The following PARD3 variants were observed in gnomAD, a reference collection of about 807,000 sequenced individuals.
The protein encoded by PARD3 is par-3 family cell polarity regulator.
PARD3 carries 75 observed loss-of-function variants against 155.4 expected under a neutral mutation model. The observed-to-expected ratio is 0.48, with a 90% CI of 0.40 to 0.58. The LOEUF is 0.58. Among genes scored for constraint, PARD3 ranks in the 20% least tolerant of loss-of-function variants. PARD3 has a pLI of 0.00. For synonymous variants in PARD3, 576 were observed against 610.5 expected (o/e 0.94, Z 0.83); for missense variants, 1,642 against 1,721.7 (o/e 0.95, Z 0.82).
chr10:34,665,167 A>G (rs1451639536), intron 2 of PARD3, among the ~76,000 whole-genome samples: 1 of 152,156 alleles, frequency 6.6e-6, no homozygotes, highest in Non-Finnish European at 1.5e-5. Context: ...AGATTTCCAG[A>G]ACGTGTTTAT....
intron 1 of PARD3, among the ~76,000 whole-genome samples, chr10:34,793,272 G>C (rs1355794746): frequency 6.6e-6 from 1 of 152,174 alleles, no homozygotes; most frequent in Non-Finnish European, 1.5e-5. Context: ...GACAACTCAC[G>C]AACACAAGGG....
intron 1 of PARD3, among the ~76,000 whole-genome samples, chr10:34,770,111 T>G (rs1838676254): frequency 6.6e-6 from 1 of 152,174 alleles, no homozygotes; most frequent in Admixed American, 6.5e-5. Context: ...TAGCCTTATC[T>G]TCTGCCTGCA....
At position 34,511,557 on chromosome 10, in the gene PARD3, C is replaced by A. The variant is rs558687313; in HGVS notation, c.403+5422G>T. Among the ~76,000 whole-genome samples, 13 of 152,168 alleles carry A rather than the reference C, an allele frequency of 8.5e-5. No individual in the cohort carries two copies. In the South Asian group the frequency reaches 2.3e-3, roughly 27 times the overall value. On this transcript the variant is annotated intron_variant, in intron 3 of 24. Coordinates refer to ENST00000374788, the MANE Select transcript of PARD3 (RefSeq NM_001184785.2). ...AATGCAGCATCCTCACATGACAAAG[C>A]GACAGAGTAACCCCAGTACTTCAAG...
chr10:34,408,762 T>A (rs1754984207), intron 5 of PARD3, among the ~76,000 whole-genome samples: 1 of 151,984 alleles, frequency 6.6e-6, no homozygotes, highest in Non-Finnish European at 1.5e-5. Context: ...TAATTCATGA[T>A]CATTATATTC....
intron 22 of PARD3, among the ~76,000 whole-genome samples, chr10:34,252,822 G>A (rs1309163453): frequency 6.6e-6 from 1 of 151,992 alleles, no homozygotes; most frequent in Non-Finnish European, 1.5e-5. Flanking sequence ...ATATAAAAGT[G>A]GGGAAATGGT....
intron 2 of PARD3, among the ~76,000 whole-genome samples, chr10:34,541,000 T>C (rs2083569919): frequency 6.6e-6 from 1 of 152,100 alleles, no homozygotes. Context: ...TCCAGCATCC[T>C]TAATTTAAGA....
At chr10:34,584,431 G>A (rs1206837009) in intron 2 of PARD3, among the ~76,000 whole-genome samples, 1 of 152,086 alleles carries the variant, frequency 6.6e-6, no homozygotes, top group East Asian at 1.9e-4. Context: ...ACATCTCTAA[G>A]GTTAAGCCAA....
chr10:34,665,373 A>T (rs12773194), intron 2 of PARD3, among the ~76,000 whole-genome samples: 49,006 of 150,484 alleles, frequency 0.33, 8,112 homozygotes, highest in South Asian at 0.42. Context: ...AAAAAAAAAT[A>T]GCCAGGCGTG....
intron 2 of PARD3, among the ~76,000 whole-genome samples, chr10:34,584,776 C>G (rs11009824): frequency 6.6e-6 from 1 of 151,836 alleles, no homozygotes; most frequent in African/African-American, 2.4e-5. Context: ...ACTGGGCAGA[C>G]AAAAAAATAG....
At chr10:34,134,465 T>C (rs1947786109) in intron 22 of PARD3, among the ~76,000 whole-genome samples, 3 of 152,232 alleles carry the variant, frequency 2.0e-5, no homozygotes, top group Non-Finnish European at 2.9e-5. Context: ...ACTGACCTCC[T>C]ACTATTTGCA....
intron 5 of PARD3, among the ~76,000 whole-genome samples, chr10:34,408,256 T>G (rs1305103620): frequency 6.6e-6 from 1 of 152,104 alleles, no homozygotes; most frequent in African/African-American, 2.4e-5. Flanking sequence ...ATTTACAATA[T>G]TTTCTGTCAA....
At chr10:34,172,306 A>G (rs1400422958) in intron 22 of PARD3, among the ~76,000 whole-genome samples, 1 of 152,178 alleles carries the variant, frequency 6.6e-6, no homozygotes, top group Non-Finnish European at 1.5e-5. Flanking sequence ...ACTTTTAACT[A>G]CGGTCAGAAT....
intron 22 of PARD3, among the ~76,000 whole-genome samples, chr10:34,145,223 T>TTTTA (rs1948442269): frequency 1.6e-5 from 1 of 61,800 alleles, no homozygotes; most frequent in African/African-American, 1.1e-4. Context: ...ATATATATAT[T>TTTTA]TTTTTTTTTT....
In PARD3 at chr10:34,716,903, T is replaced by G. The variant is rs368841814; in HGVS notation, c.121-20484A>C. Among the ~76,000 whole-genome samples the G allele has an allele frequency of 2.6e-5, 4 of 152,146 alleles. No homozygotes were observed. The East Asian group carries it at 5.8e-4, about 22-fold the overall frequency. The stretch of plus-strand genomic sequence containing the variant: ...CACTGCACCCAGCCTCAGGATGGCT[T>G]TGAATGTGGCCCAACACATATTCAT... On this transcript the variant is annotated intron_variant, in intron 1 of 24. Transcript: ENST00000374788.
chr10:34,792,965 A>G (rs759613574), intron 1 of PARD3, among the ~76,000 whole-genome samples: 2 of 152,210 alleles, frequency 1.3e-5, no homozygotes, highest in Non-Finnish European at 2.9e-5. Flanking sequence ...ATTCAACATA[A>G]TCTACTTTTG....
intron 19 of PARD3, among the ~76,000 whole-genome samples, chr10:34,323,975 G>A (rs550578794): frequency 3.9e-5 from 6 of 152,160 alleles, no homozygotes; most frequent in African/African-American, 7.2e-5. Flanking sequence ...CTACACAATC[G>A]AAATGACAGC....
At chr10:34,716,433 G>T (rs1243632796) in intron 1 of PARD3, among the ~76,000 whole-genome samples, 1 of 152,168 alleles carries the variant, frequency 6.6e-6, no homozygotes, top group Non-Finnish European at 1.5e-5. Context: ...ATTAAAGTGT[G>T]AAATGGACTA....
chr10:34,269,645 C>G lies in PARD3; in HGVS notation c.3419+12G>C. 1.2e-6 allele frequency: 2 copies of G among 1,612,250 alleles called. No homozygotes were observed. The highest frequency in any genetic ancestry group is 1.3e-5 in the African/African-American group (1 of 74,970). ...ATTTGGAAGCAATACCACGATTGCC[C>G]CTGGCGCCTACCTGTCTACAGGTGA... On this transcript the variant is annotated intron_variant, in intron 22 of 24. Transcript: ENST00000374788.
chr10:34,123,241 G>C (rs994829713), intron 23 of PARD3, among the ~76,000 whole-genome samples: 5 of 152,176 alleles, frequency 3.3e-5, no homozygotes, highest in Admixed American at 1.3e-4. Flanking sequence ...GGAGAGCCAT[G>C]ATATGTAAAT....
Sources: allele counts gnomAD v4.1 joint callset (sites outside exome capture counted in the v4.1 genomes callset), GRCh38; gene constraint gnomAD v4.1.1; transcripts MANE v1.5; gene names NCBI Gene and HGNC (gene_info 2026-07-23, HGNC 2026-07-21).